Variants in SBF2 observed in about 807,000 individuals in gnomAD.
The protein encoded by SBF2 is myotubularin-related protein 13.
In SBF2, 112 loss-of-function variants were observed where a neutral mutation model predicts 225.2. That is an observed-to-expected ratio of 0.50 (90% CI 0.43 to 0.58). SBF2 has a LOEUF of 0.58. SBF2 is among the 20% of genes least tolerant of loss of function. The probability of loss-of-function intolerance (pLI) is 0.00; values close to 1 mark genes in which losing one functional copy is unlikely to be tolerated. For synonymous variants in SBF2, 763 were observed against 773.3 expected (o/e 0.99, Z 0.22); for missense variants, 1,996 against 2,206.2 (o/e 0.90, Z 1.91).
chr11:9,932,417 A>T (rs1386408503), intron 16 of SBF2, among the ~76,000 whole-genome samples: 1 of 152,232 alleles, frequency 6.6e-6, no homozygotes, highest in Non-Finnish European at 1.5e-5. Context: ...AGCCCATCAG[A>T]CTAACAGTGG....
chr11:10,219,954 A>C (rs913042497), intron 1 of SBF2, among the ~76,000 whole-genome samples: 3 of 152,136 alleles, frequency 2.0e-5, no homozygotes, highest in South Asian at 2.1e-4. Flanking sequence ...ACCTCTGCCT[A>C]TTACCCAGTT....
intron 2 of SBF2, among the ~76,000 whole-genome samples, chr11:10,164,004 A>G (rs986530186): frequency 6.6e-6 from 1 of 152,212 alleles, no homozygotes; most frequent in African/African-American, 2.4e-5. Flanking sequence ...CTGGCTTCTC[A>G]CTACTCTATC....
At chr11:9,904,768 T>A (rs1861994350) in intron 16 of SBF2, among the ~76,000 whole-genome samples, 1 of 152,218 alleles carries the variant, frequency 6.6e-6, no homozygotes, top group Non-Finnish European at 1.5e-5. Flanking sequence ...CTCACACCTA[T>A]AATCACAGAA....
Position 9,835,631 on chromosome 11 carries a change from CA to C in SBF2, c.3456-3212del, listed in dbSNP as rs58436467. ...TGGGAGACAGAGCAAGACCTTGTCT[CA>C]AAAAAAAAAAAAAAAGATTACTACT... On this transcript the variant is annotated intron_variant, in intron 26 of 39. Coordinates refer to ENST00000256190, the MANE Select transcript of SBF2 (RefSeq NM_030962.4). Among the ~76,000 whole-genome samples, 27 of 62,134 alleles carry C rather than the reference CA, an allele frequency of 4.3e-4. 1 individual carries two copies. The highest frequency in any genetic ancestry group is 6.4e-4 in the South Asian group (1 of 1,568). The allele number at this position is 62,134 out of a possible 152,430, so 40.8% of individuals were successfully genotyped here. A position where few individuals can be genotyped will look rare whatever the true frequency, so the allele number is the denominator to read the frequency against.
chr11:10,226,636 A>G (rs1253618986), intron 1 of SBF2, among the ~76,000 whole-genome samples: 1 of 152,288 alleles, frequency 6.6e-6, no homozygotes, highest in African/African-American at 2.4e-5. Flanking sequence ...AGCTTCATCC[A>G]TGTCCCTACA....
At chr11:9,796,077 C>T (rs2133872639) in intron 32 of SBF2, 120 bp from the exon 33 acceptor site, 1 of 966,284 alleles carries the variant, frequency 1.0e-6, no homozygotes, top group Non-Finnish European at 1.6e-6. Flanking sequence ...TCAACAAATA[C>T]CTGAATCCCT....
intron 9 of SBF2, 113 bp downstream of exon 9, chr11:9,998,153 T>C (rs1947791008): frequency 5.9e-6 from 4 of 679,814 alleles, no homozygotes; most frequent in Admixed American, 4.9e-5. Context: ...TTCAAATATA[T>C]AGCTCTCTTT....
At chr11:10,253,433 A>G (rs12360868) in intron 1 of SBF2, among the ~76,000 whole-genome samples, 5 of 152,100 alleles carry the variant, frequency 3.3e-5, no homozygotes, top group African/African-American at 1.2e-4. Context: ...GCACATTAGT[A>G]CTCTTTAAGA....
intron 38 of SBF2, among the ~76,000 whole-genome samples, chr11:9,782,187 A>T (rs1205416883): frequency 1.3e-5 from 2 of 151,896 alleles, no homozygotes; most frequent in Admixed American, 6.6e-5. Context: ...AAAAAATAAA[A>T]AAAAAAAAAA....
intron 6 of SBF2, among the ~76,000 whole-genome samples, chr11:10,004,026 TC>T (rs1948084778): frequency 6.6e-6 from 1 of 152,300 alleles, no homozygotes; most frequent in African/African-American, 2.4e-5. Flanking sequence ...TAATTGCTAT[TC>T]CCTCTTATCA....
intron 13 of SBF2, among the ~76,000 whole-genome samples, chr11:9,982,047 GGTGTTC>G (rs1281023389): frequency 6.6e-6 from 1 of 152,034 alleles, no homozygotes; most frequent in Non-Finnish European, 1.5e-5. Context: ...TTTCTTTCCT[GGTGTTC>G]AAATAGTTAT....
intron 32 of SBF2, among the ~76,000 whole-genome samples, chr11:9,797,860 C>T (rs1853226795): frequency 6.6e-6 from 1 of 152,118 alleles, no homozygotes; most frequent in South Asian, 2.1e-4. Flanking sequence ...GTAGCCCCAG[C>T]TACTCAGGAG....
intron 3 of SBF2, 80 bp from the exon 4 acceptor site, chr11:10,031,250 A>C: frequency 7.6e-7 from 1 of 1,309,386 alleles, no homozygotes; most frequent in East Asian, 2.3e-5. Flanking sequence ...TATCACCTTA[A>C]ATATAACTTA....
chr11:9,876,357 G>C (rs1021567709), intron 17 of SBF2, among the ~76,000 whole-genome samples: 1 of 152,120 alleles, frequency 6.6e-6, no homozygotes, highest in East Asian at 1.9e-4. Context: ...GTTATAAACT[G>C]AATGTTTGTG....
intron 6 of SBF2, among the ~76,000 whole-genome samples, chr11:10,012,043 T>C (rs1948479129): frequency 6.6e-6 from 1 of 152,260 alleles, no homozygotes; most frequent in African/African-American, 2.4e-5. Context: ...TTTTTCTCTA[T>C]GTTTTTTATA....
chr11:10,099,026 CAAAA>C (rs1295687963), intron 2 of SBF2, among the ~76,000 whole-genome samples: 1 of 151,784 alleles, frequency 6.6e-6, no homozygotes, highest in African/African-American at 2.4e-5. Context: ...AAAAAGAAGA[CAAAA>C]AGAAAGAAGC....
intron 1 of SBF2, among the ~76,000 whole-genome samples, chr11:10,291,556 T>TA (rs1964157435): frequency 6.6e-6 from 1 of 152,120 alleles, no homozygotes; most frequent in African/African-American, 2.4e-5. Flanking sequence ...TGGATGTGCT[T>TA]AGACTCTCCT....
At chr11:10,019,388 T>C (rs1471900362) in intron 6 of SBF2, among the ~76,000 whole-genome samples, 1 of 152,136 alleles carries the variant, frequency 6.6e-6, no homozygotes, top group Admixed American at 6.5e-5. Context: ...TTAATTTGCT[T>C]CAAATCCCCA....
At chr11:9,896,109 G>C in intron 16 of SBF2, 98 bp from the exon 17 acceptor site, 1 of 989,578 alleles carries the variant, frequency 1.0e-6, no homozygotes, top group South Asian at 1.3e-5. Context: ...ACTGTCCTAT[G>C]GGGTTTTTAC....
Sources: gnomAD v4.1 joint callset for allele counts (sites outside exome capture counted in the v4.1 genomes callset) on GRCh38, gnomAD v4.1.1 for gene constraint, MANE v1.5 for transcripts, NCBI Gene and HGNC (gene_info 2026-07-23, HGNC 2026-07-21) for gene names.